CDH13: variants seen among roughly 807,000 people sequenced by gnomAD.
CDH13 encodes the protein cadherin-13.
Under a neutral mutation model 63.8 loss-of-function variants are expected in CDH13, and 24 were observed. That is an observed-to-expected ratio of 0.38 (90% confidence interval 0.27 to 0.53). CDH13 has a LOEUF of 0.53. CDH13 is among the 20% of genes least tolerant of loss of function. The pLI is 0.85. For synonymous variants in CDH13, 503 were observed against 355.3 expected (o/e 1.42, Z -4.67); for missense variants, 1,049 against 903.1 (o/e 1.16, Z -2.07).
chr16:83,215,436 C>G (rs765555130), intron 4 of CDH13, among the ~76,000 whole-genome samples: 3 of 151,474 alleles, frequency 2.0e-5, no homozygotes, highest in Non-Finnish European at 4.4e-5. Flanking sequence ...CTTAAAAATA[C>G]AAACATATGT....
At chr16:83,131,403 C>G (rs952106162) in intron 4 of CDH13, among the ~76,000 whole-genome samples, 1 of 152,188 alleles carries the variant, frequency 6.6e-6, no homozygotes, top group South Asian at 2.1e-4. Flanking sequence ...GAACTCTAGA[C>G]AGCAGGGAGG....
rs1856365146 is a variant in CDH13, at chr16:83,795,359, A to C, written c.*329A>C. The C allele has an allele frequency of 5.9e-6, 2 of 341,038 alleles. No individual in the cohort carries two copies. The highest frequency in any genetic ancestry group is 4.4e-5 in the Admixed American group (1 of 22,576). 21.1% of individuals were successfully genotyped at this position (341,038 alleles called of 1,614,324 possible). On this transcript the variant is annotated 3_prime_UTR_variant, in exon 14 of 14. Transcript: ENST00000567109. ...TCGCTAGCCAGTGCTCCAGGCACCC[A>C]GCTTTGTCTGTGGGTTAGTATTGGT...
At chr16:83,077,719 T>C (rs1178168640) in intron 3 of CDH13, among the ~76,000 whole-genome samples, 1 of 152,130 alleles carries the variant, frequency 6.6e-6, no homozygotes, top group African/African-American at 2.4e-5. Context: ...TTCGCTTGGG[T>C]AGACTCCTAG....
chr16:83,095,078 A>G (rs182922849), intron 3 of CDH13, among the ~76,000 whole-genome samples: 2 of 152,278 alleles, frequency 1.3e-5, no homozygotes, highest in East Asian at 1.9e-4. Flanking sequence ...AATTAACTTT[A>G]TTGTCAACTT....
rs535228566 is a variant in CDH13, at chr16:83,032,422, C to T, written c.366+204C>T. 50 of 563,096 alleles carry T rather than the reference C, an allele frequency of 8.9e-5. No individual in the cohort carries two copies. The East Asian group carries it at 1.3e-3, about 15-fold the overall frequency. The allele number at this position is 563,096 out of a possible 1,614,324, so 34.9% of individuals were successfully genotyped here. On this transcript the variant is annotated intron_variant, in intron 3 of 13. Transcript: ENST00000567109. ...TCATGTAACTAATTGAGGCATAGTT[C>T]GTGGATTAATTCATGGAACTATTTT...
At chr16:83,198,656 G>A (rs2038943497) in intron 4 of CDH13, among the ~76,000 whole-genome samples, 1 of 152,176 alleles carries the variant, frequency 6.6e-6, no homozygotes, top group Admixed American at 6.5e-5. Flanking sequence ...TCCCTTTGAT[G>A]CACACATAAT....
intron 5 of CDH13, among the ~76,000 whole-genome samples, chr16:83,240,860 CT>C (rs1300204989): frequency 6.6e-6 from 1 of 151,514 alleles, no homozygotes; most frequent in Non-Finnish European, 1.5e-5. Context: ...CTGTGCCTAG[CT>C]TCTTAACCAT....
chr16:83,207,038 T>C (rs182121478), intron 4 of CDH13, among the ~76,000 whole-genome samples: 12 of 152,228 alleles, frequency 7.9e-5, no homozygotes, highest in Admixed American at 2.0e-4. Flanking sequence ...CTGAATAGTT[T>C]AATCAGTTAA....
intron 5 of CDH13, among the ~76,000 whole-genome samples, chr16:83,301,025 GTTTTT>G (rs3052591): frequency 2.2e-4 from 17 of 78,780 alleles, no homozygotes; most frequent in African/African-American, 8.1e-4. Context: ...ACTTTCTGGG[GTTTTT>G]TTTTTTTTTT....
At chr16:83,482,960 A>C (rs2073806379) in intron 6 of CDH13, among the ~76,000 whole-genome samples, 2 of 152,162 alleles carry the variant, frequency 1.3e-5, no homozygotes, top group Non-Finnish European at 2.9e-5. Context: ...CCCAGGACAG[A>C]GTTGGATAAT....
rs111690911 is a variant in CDH13, at chr16:82,851,451, G to A, written c.46-6911G>A. ...TTTCGTCTCAAAAAAAAAATAAAAAGAAAAAGAAAAAGAAAAAAGAAAGCA... is the reference window on the plus strand; with the variant it reads ...TTTCGTCTCAAAAAAAAAATAAAAAAAAAAAGAAAAAGAAAAAAGAAAGCA... On this transcript the variant is annotated intron_variant, in intron 1 of 13. Coordinates refer to ENST00000567109, the MANE Select transcript of CDH13 (RefSeq NM_001257.5). 8.6e-3 allele frequency among the ~76,000 whole-genome samples: 305 copies of A among 35,480 alleles called. 61 individuals carry two copies. The highest frequency in any genetic ancestry group is 0.017 in the Non-Finnish European group (195 of 11,562). 23.3% of individuals were successfully genotyped at this position (35,480 alleles called of 152,430 possible).
At chr16:83,026,952 G>T (rs968565698) in intron 2 of CDH13, among the ~76,000 whole-genome samples, 2 of 152,072 alleles carry the variant, frequency 1.3e-5, no homozygotes, top group African/African-American at 2.4e-5. Context: ...ATACACACGG[G>T]GTCCAGGGGC....
At chr16:83,713,246 T>C (rs1444448608) in intron 10 of CDH13, among the ~76,000 whole-genome samples, 1 of 152,188 alleles carries the variant, frequency 6.6e-6, no homozygotes, top group Non-Finnish European at 1.5e-5. Flanking sequence ...CATGGACGCA[T>C]TGATAGATGA....
chr16:83,476,072 A>T (rs1229010423), intron 6 of CDH13, among the ~76,000 whole-genome samples: 1 of 152,268 alleles, frequency 6.6e-6, no homozygotes, highest in East Asian at 1.9e-4. Context: ...AAACGAAGAA[A>T]AATGATAAAA....
At chr16:82,667,659 G>A (rs1337455093) in intron 1 of CDH13, among the ~76,000 whole-genome samples, 2 of 152,154 alleles carry the variant, frequency 1.3e-5, no homozygotes, top group African/African-American at 4.8e-5. Context: ...GAGCTGAGAT[G>A]TGACGTGAGT....
chr16:82,676,665 G>C (rs558427041), intron 1 of CDH13, among the ~76,000 whole-genome samples: 1 of 152,022 alleles, frequency 6.6e-6, no homozygotes, highest in Non-Finnish European at 1.5e-5. Flanking sequence ...TCAGTGGCCT[G>C]CCGTTGGTTT....
At chr16:83,379,938 T>TATATATATAGAGAGAGAGAGAGAGAG in intron 6 of CDH13, among the ~76,000 whole-genome samples, 275 of 123,396 alleles carry the variant, frequency 2.2e-3, no homozygotes, top group Middle Eastern at 8.3e-3. Context: ...TATATATATA[T>TATATATATAGAGAGAGAGAGAGAGAG]AGAGAGAGAG....
intron 4 of CDH13, among the ~76,000 whole-genome samples, chr16:83,170,103 A>G (rs1002739476): frequency 6.6e-6 from 1 of 152,084 alleles, no homozygotes; most frequent in African/African-American, 2.4e-5. Context: ...ACATACAACA[A>G]TTTACTTTGG....
chr16:83,191,797 C>T (rs552313728), intron 4 of CDH13, among the ~76,000 whole-genome samples: 1 of 151,986 alleles, frequency 6.6e-6, no homozygotes, highest in African/African-American at 2.4e-5. Flanking sequence ...ATATTCTAGC[C>T]ATGCTGGCAA....
Sources: allele counts gnomAD v4.1 joint callset (sites outside exome capture counted in the v4.1 genomes callset), GRCh38; gene constraint gnomAD v4.1.1; transcripts MANE v1.5; gene names NCBI Gene and HGNC (gene_info 2026-07-23, HGNC 2026-07-21).